ZFHX3: variants seen among roughly 807,000 people sequenced by gnomAD.
ZFHX3 encodes the protein zinc finger homeobox 3, also known as zinc finger homeobox protein 3.
In ZFHX3, 42 loss-of-function variants were observed where a neutral mutation model predicts 279.1. The observed-to-expected ratio is 0.15, with a 90% CI of 0.12 to 0.19. The LOEUF (loss-of-function observed/expected upper bound fraction) is 0.19, where lower values mean the gene tolerates loss of function less well. Ranked by LOEUF, ZFHX3 falls within the 10% of genes least tolerant of loss-of-function variation. The pLI, the probability that ZFHX3 is intolerant of heterozygous loss-of-function variation, is 1.00. For synonymous variants in ZFHX3, 2,293 were observed against 1,957.8 expected (o/e 1.17, Z -4.52); for missense variants, 4,981 against 4,754.0 (o/e 1.05, Z -1.40).
intron 3 of ZFHX3, among the ~76,000 whole-genome samples, chr16:73,414,589 G>T (rs1010479015): frequency 2.6e-5 from 4 of 152,204 alleles, no homozygotes; most frequent in Non-Finnish European, 5.9e-5. Flanking sequence ...CCCACTGGGG[G>T]AAATGAGAGG....
At chr16:73,222,963 A>G (rs1258661611) in intron 5 of ZFHX3, among the ~76,000 whole-genome samples, 1 of 152,182 alleles carries the variant, frequency 6.6e-6, no homozygotes, top group Non-Finnish European at 1.5e-5. Flanking sequence ...GACATGTGAT[A>G]GAGGAAAGAT....
chr16:73,416,838 C>T (rs998323001), intron 3 of ZFHX3, among the ~76,000 whole-genome samples: 4 of 151,412 alleles, frequency 2.6e-5, no homozygotes, highest in Non-Finnish European at 5.9e-5. Context: ...CGCGCCACTG[C>T]ACTCCAGCCT....
intron 5 of ZFHX3, among the ~76,000 whole-genome samples, chr16:73,198,662 A>G (rs1968204273): frequency 6.6e-6 from 1 of 152,132 alleles, no homozygotes; most frequent in Admixed American, 6.5e-5. Flanking sequence ...AGACCTCCAG[A>G]TTCAGTTGGT....
intron 5 of ZFHX3, among the ~76,000 whole-genome samples, chr16:73,241,926 TGA>T (rs1354057215): frequency 6.6e-6 from 1 of 151,950 alleles, no homozygotes; most frequent in Non-Finnish European, 1.5e-5. Context: ...AAACGTTGAG[TGA>T]CCCCTTTGAG....
intron 4 of ZFHX3, among the ~76,000 whole-genome samples, chr16:72,869,242 T>A (rs1261081723): frequency 6.6e-6 from 1 of 152,214 alleles, no homozygotes; most frequent in Non-Finnish European, 1.5e-5. Context: ...AGCCTGGCCC[T>A]GGAGCCTTCA....
intron 4 of ZFHX3, among the ~76,000 whole-genome samples, chr16:72,875,690 C>T (rs1238858404): frequency 1.3e-5 from 2 of 152,328 alleles, no homozygotes; most frequent in South Asian, 2.1e-4. Flanking sequence ...TGAACTGCCA[C>T]GTTAAGTCAG....
At position 72,959,543 on chromosome 16, in the gene ZFHX3, G is replaced by C; in HGVS notation, c.603C>G (p.Ala201=). 6.2e-7 allele frequency: 1 copy of C among 1,614,264 alleles called. No homozygotes were observed. The highest frequency in any genetic ancestry group is 1.3e-5 in the African/African-American group (1 of 75,072). Residue 201 remains alanine, a synonymous_variant, in exon 2 of 10, where the codon GCC becomes GCG. Coordinates refer to ENST00000268489, the MANE Select transcript of ZFHX3 (RefSeq NM_006885.4). ...YPQIINTFHI[A]SSFGKWFEGP... ...CCTCAAACCATTTCCCGAAGGATGA[G>C]GCTATGTGGAAAGTGTTGATGATCT...
At chr16:73,760,923 G>C (rs780415667) in intron 1 of ZFHX3, among the ~76,000 whole-genome samples, 2 of 151,372 alleles carry the variant, frequency 1.3e-5, no homozygotes, top group African/African-American at 4.9e-5. Flanking sequence ...CACAAGACAA[G>C]GATGCCCTCT....
chr16:73,124,114 C>G (rs1265229685), intron 7 of ZFHX3, among the ~76,000 whole-genome samples: 4 of 152,140 alleles, frequency 2.6e-5, no homozygotes, highest in African/African-American at 7.2e-5. Context: ...CACTTTACAA[C>G]CTTGTATAGG....
chr16:72,869,388 T>G (rs2143946471), intron 4 of ZFHX3, among the ~76,000 whole-genome samples: 1 of 152,312 alleles, frequency 6.6e-6, no homozygotes, highest in South Asian at 2.1e-4. Flanking sequence ...GGTGTTTTTT[T>G]TTTCTTAAAT....
chr16:73,686,311 G>A (rs2053083568), intron 1 of ZFHX3, among the ~76,000 whole-genome samples: 1 of 152,072 alleles, frequency 6.6e-6, no homozygotes, highest in African/African-American at 2.4e-5. Context: ...GTTCAGGCTG[G>A]TCTTGAATTC....
chr16:73,279,496 AG>A (rs369655196), intron 4 of ZFHX3, among the ~76,000 whole-genome samples: 330 of 152,280 alleles, frequency 2.2e-3, no homozygotes, highest in African/African-American at 3.7e-3. Context: ...TTTAAGACAA[AG>A]GTAATGAGGA....
intron 1 of ZFHX3, among the ~76,000 whole-genome samples, chr16:73,699,398 G>GGACT (rs2053227043): frequency 1.3e-5 from 2 of 152,106 alleles, no homozygotes; most frequent in Admixed American, 1.3e-4. Context: ...AGTGTTTTGT[G>GGACT]GACTGCCTGT....
At chr16:73,801,181 T>A (rs1350600029) in intron 1 of ZFHX3, among the ~76,000 whole-genome samples, 3 of 152,220 alleles carry the variant, frequency 2.0e-5, no homozygotes. Flanking sequence ...GGGATTTGTT[T>A]ATTTTCATCG....
At chr16:73,173,326 G>C (rs1204154425) in intron 5 of ZFHX3, among the ~76,000 whole-genome samples, 2 of 151,932 alleles carry the variant, frequency 1.3e-5, no homozygotes, top group Non-Finnish European at 2.9e-5. Flanking sequence ...ACGGCTTGTC[G>C]TTTCCACTTG....
intron 4 of ZFHX3, among the ~76,000 whole-genome samples, chr16:72,831,062 C>T (rs2037048666): frequency 6.6e-6 from 1 of 152,142 alleles, no homozygotes; most frequent in Non-Finnish European, 1.5e-5. Flanking sequence ...TGCCTTCTGA[C>T]CCTCTAGAAA....
intron 1 of ZFHX3, among the ~76,000 whole-genome samples, chr16:73,011,396 CACTAGGATT>C (rs1156934810): frequency 6.6e-6 from 1 of 151,832 alleles, no homozygotes; most frequent in African/African-American, 2.4e-5. Context: ...ACTCCCAAAG[CACTAGGATT>C]ACAGGCGTGA....
intron 1 of ZFHX3, among the ~76,000 whole-genome samples, chr16:73,686,012 T>C (rs1371347858): frequency 6.6e-6 from 1 of 152,218 alleles, no homozygotes; most frequent in Non-Finnish European, 1.5e-5. Flanking sequence ...TAAACAGTTG[T>C]CTTTATGTTG....
intron 2 of ZFHX3, among the ~76,000 whole-genome samples, chr16:73,675,721 A>G (rs1245580217): frequency 6.6e-6 from 1 of 152,148 alleles, no homozygotes; most frequent in African/African-American, 2.4e-5. Context: ...ACCATTATCA[A>G]GGCAAACTCA....
Sources: gnomAD v4.1 joint callset for allele counts (sites outside exome capture counted in the v4.1 genomes callset) on GRCh38, gnomAD v4.1.1 for gene constraint, MANE v1.5 for transcripts, NCBI Gene and HGNC (gene_info 2026-07-23, HGNC 2026-07-21) for gene names.